Variants in TTN observed in about 807,000 individuals in gnomAD.
The protein encoded by TTN is titin.
TTN carries 1,525 observed loss-of-function variants against 3,223.0 expected under a neutral mutation model. The observed-to-expected ratio is 0.47, with a 90% CI of 0.45 to 0.49. The LOEUF is 0.49. Among genes scored for constraint, TTN ranks in the 20% least tolerant of loss-of-function variants. The pLI is 0.00. For synonymous variants in TTN, 14,094 were observed against 15,161.0 expected (o/e 0.93, Z 5.17); for missense variants, 40,786 against 43,424.0 (o/e 0.94, Z 5.40).
At position 178,770,241 on chromosome 2, in the gene TTN, A is replaced by G; in HGVS notation, c.8460T>C (p.His2820=). The change falls in exon 36 of 363, where the codon CAT becomes CAC. Residue 2820 remains histidine, a synonymous_variant. Transcript: ENST00000589042. ...GGAACCATTTTACTGGAACAGTGTC[A>G]TGGGAAACACTAACTTCAAAGGCAA... ...ATVAFEVSVS[H]DTVPVKWFHK... is the part of the protein sequence containing the mutation. 4 of 1,614,160 alleles carry G rather than the reference A, an allele frequency of 2.5e-6. No individual in the cohort carries two copies. The highest frequency in any genetic ancestry group is 3.4e-6 in the Non-Finnish European group (4 of 1,180,008).
intron 1 of TTN, among the ~76,000 whole-genome samples, chr2:178,804,864 C>A (rs1415135549): frequency 2.0e-5 from 3 of 151,978 alleles, no homozygotes; most frequent in East Asian, 1.9e-4. Context: ...CCCAAAGTAG[C>A]AAGTGTAAGG....
chr2:178,730,821 A>T (rs1467887015), intron 60 of TTN, 29 bp from the exon 61 acceptor site: 1 of 1,543,426 alleles, frequency 6.5e-7, no homozygotes, highest in African/African-American at 1.4e-5. Flanking sequence ...AACAACAACA[A>T]AAAAAGGTCA....
At chr2:178,640,763 CTATTT>C in intron 220 of TTN, 133 bp from the exon 221 acceptor site, 1 of 695,454 alleles carries the variant, frequency 1.4e-6, no homozygotes, top group Non-Finnish European at 2.3e-6. Flanking sequence ...CAAGTAATTT[CTATTT>C]TATTTTCTTG....
Position 178,675,742 on chromosome 2 carries a change from G to A in TTN, c.34466C>T (p.Pro11489Leu), listed in dbSNP as rs1468023279. The A allele has an allele frequency of 2.1e-6, 3 of 1,445,938 alleles. No individual in the cohort carries two copies. Among genetic ancestry groups the A allele is most frequent in the Non-Finnish European group, 2.7e-6 (3 of 1,108,218 alleles). The allele number at this position is 1,445,938 out of a possible 1,614,324, so 89.6% of individuals were successfully genotyped here. A position where few individuals can be genotyped will look rare whatever the true frequency, so the allele number is the denominator to read the frequency against. ...CTTCTTTTCTGGCTCAGGTTTCTTA[G>A]GTACCACAGACACTTTAAAAATATT... ...EAPPAKVSVV[P>L]KKPEPEKKVP... The change falls in exon 149 of 363, where the codon CCT (proline) becomes CTT (leucine). Residue 11489 changes from proline (P) to leucine (L), a missense_variant. Coordinates refer to ENST00000589042, the MANE Select transcript of TTN (RefSeq NM_001267550.2).
At position 178,572,069 on chromosome 2, in the gene TTN, C is replaced by T. The variant is rs376988498; in HGVS notation, c.74063G>A (p.Arg24688His). 2.8e-5 allele frequency: 45 copies of T among 1,613,076 alleles called. No individual in the cohort carries two copies. The East Asian group carries it at 2.9e-4, about 10-fold the overall frequency. ...GLIQGEEYSF[R>H]VSAQNEKGIS... ...GCCCTTTTCATTCTGAGCTGAAACACGGAAAGAGTATTCTTCACCCTGAAT... is the reference window on the plus strand; with the variant it reads ...GCCCTTTTCATTCTGAGCTGAAACATGGAAAGAGTATTCTTCACCCTGAAT... The change falls in exon 326 of 363, where the codon CGT (arginine) becomes CAT (histidine). Residue 24688 changes from arginine (R) to histidine (H), a missense_variant. By Grantham distance (29) the Arg-to-His change is conservative. Coordinates refer to ENST00000589042, the MANE Select transcript of TTN (RefSeq NM_001267550.2).
chr2:178,578,261 T>C, intron 321 of TTN, 76 bp from the exon 322 acceptor site: 1 of 1,270,362 alleles, frequency 7.9e-7, no homozygotes, highest in East Asian at 2.4e-5. Context: ...CCAAATTATT[T>C]ATACATATCC....
In TTN at chr2:178,633,040, C is replaced by T. The variant is rs1462387608; in HGVS notation, c.43091G>A (p.Cys14364Tyr). The T allele has an allele frequency of 6.2e-7, 1 of 1,612,808 alleles. No homozygotes were observed. Among genetic ancestry groups the T allele is most frequent in the Admixed American group, 1.7e-5 (1 of 59,952 alleles). The change falls in exon 234 of 363, where the codon TGT becomes TAT. Residue 14364 changes from cysteine (C) to tyrosine (Y), a missense_variant. Cys to Tyr is a radical substitution (Grantham distance 194). Coordinates refer to ENST00000589042, the MANE Select transcript of TTN (RefSeq NM_001267550.2). ...KGQPLTASPDCEIIEDGKKHI... is the reference protein window; with the variant it reads ...KGQPLTASPDYEIIEDGKKHI... ...CTTCTTTCCATCCTCAATGATTTCA[C>T]AGTCCTGTTTGGAGTGAGGGTTAGA...
rs754097967 is a variant in TTN at position 178,572,305 on chromosome 2, T to C, written c.73827A>G (p.Glu24609=). 4 of 1,611,742 alleles carry C rather than the reference T, an allele frequency of 2.5e-6. No individual in the cohort carries two copies. The highest frequency in any genetic ancestry group is 3.4e-6 in the Non-Finnish European group (4 of 1,178,132). ...YGIGLPAETA[E]SVKASERPLP... Reference sequence around the variant, plus strand: ...GAGGTCGTTCTGATGCTTTCACAGATTCTGCGGTTTCAGCAGGCAGCCCAA... The same window carrying C: ...GAGGTCGTTCTGATGCTTTCACAGACTCTGCGGTTTCAGCAGGCAGCCCAA... The change falls in exon 326 of 363, where the codon GAA becomes GAG. Residue 24609 remains glutamate, a synonymous_variant. Transcript: ENST00000589042.
rs1450515648 is a variant in TTN at position 178,597,558 on chromosome 2, G to T, written c.57524C>A (p.Thr19175Lys). ...AKNEAGERKK[T>K]IIVDVLDVPG... Reference sequence around the variant, plus strand: ...TTTACCTAATACATCAACAATAATTGTCTTCTTTCTTTCTCCGGCTTCATT... The same window carrying T: ...TTTACCTAATACATCAACAATAATTTTCTTCTTTCTTTCTCCGGCTTCATT... The change falls in exon 294 of 363, where the codon ACA becomes AAA. Residue 19175 changes from threonine (T) to lysine (K), a missense_variant. Thr to Lys is a moderately conservative substitution (Grantham distance 78). Transcript: ENST00000589042. The T allele has an allele frequency of 6.2e-7, 1 of 1,612,070 alleles. No homozygotes were observed. The highest frequency in any genetic ancestry group is 1.3e-5 in the African/African-American group (1 of 74,848).
In TTN at chr2:178,636,367, TATAG is replaced by T; in HGVS notation, c.41329+27_41329+30del. 6.4e-7 allele frequency: 1 copy of T among 1,560,988 alleles called. No homozygotes were observed. The highest frequency in any genetic ancestry group is 1.9e-5 in the Admixed American group (1 of 52,058). On this transcript the variant is annotated intron_variant, in intron 225 of 362. Coordinates refer to ENST00000589042, the MANE Select transcript of TTN (RefSeq NM_001267550.2). The surrounding 1 kb of genome is among the most constrained non-coding windows in gnomAD (Gnocchi z 4.3). ...TAAGGTTTGTTACATTAAAGTTTAA[TATAG>T]ATTATGTTCAGAAGACTAGAAATTA...
chr2:178,683,521 A>G (rs972736070), intron 133 of TTN, among the ~76,000 whole-genome samples: 1 of 152,118 alleles, frequency 6.6e-6, no homozygotes, highest in African/African-American at 2.4e-5. Flanking sequence ...AGTATTTATA[A>G]AAGTTTAAAA....
Position 178,534,158 on chromosome 2 carries a change from C to T in TTN, c.102457G>A (p.Val34153Ile), listed in dbSNP as rs1236074112. 2.5e-6 allele frequency: 4 copies of T among 1,613,822 alleles called. No homozygotes were observed. Among genetic ancestry groups the T allele is most frequent in the South Asian group, 2.2e-5 (2 of 91,092 alleles). ...MHAVGEEGGH[V>I]KYVCKIENYD... ...TTTTCAATTTTGCATACATATTTGA[C>T]ATGTCCTCCTTCTTCACCAACTGCA... The change falls in exon 358 of 363, where the codon GTC (valine) becomes ATC (isoleucine). Residue 34153 changes from valine to isoleucine, a missense_variant. By Grantham distance (29) the Val-to-Ile change is conservative. Transcript: ENST00000589042.
At position 178,566,249 on chromosome 2, in the gene TTN, C is replaced by G. The variant is rs201091376; in HGVS notation, c.79883G>C (p.Arg26628Pro). The G allele has an allele frequency of 2.9e-5, 47 of 1,613,558 alleles. No individual in the cohort carries two copies. In the African/African-American group the frequency reaches 5.6e-4, roughly 19 times the overall value. ...CTTATCTGTGAATTCACCTTCCTCT[C>G]GAGACCAAGTGATCTCAGGCGTTGG... ...GRPTPEITWS[R>P]EEGEFTDKVQ... The change falls in exon 326 of 363, where the codon CGA becomes CCA. Residue 26628 changes from arginine (R) to proline (P), a missense_variant. By Grantham distance (103) the Arg-to-Pro change is moderately radical. Transcript: ENST00000589042.
Position 178,610,294 on chromosome 2 carries a change from G to A in TTN, c.51232C>T (p.Pro17078Ser). ...CGCTCCAGGACATAATGAAGAATTGGGGTTCCACCATCAAATTCTGGAGGT... is the reference window on the plus strand; with the variant it reads ...CGCTCCAGGACATAATGAAGAATTGAGGTTCCACCATCAAATTCTGGAGGT... ...WEPPEFDGGT[P>S]ILHYVLERRE... The change falls in exon 271 of 363, where the codon CCA becomes TCA. Residue 17078 changes from proline to serine, a missense_variant. Transcript: ENST00000589042. 1 of 1,612,852 alleles carries A rather than the reference G, an allele frequency of 6.2e-7. No individual in the cohort carries two copies. Among genetic ancestry groups the A allele is most frequent in the South Asian group, 1.1e-5 (1 of 91,038 alleles).
chr2:178,571,307 C>A lies in TTN; in HGVS notation c.74825G>T (p.Gly24942Val). ...PISDGGSRVI[G>V]YHLERKERNS... ...TCTTTCCTTGCGTTCTAGATGATAG[C>A]CAATGACTCTACTTCCTCCATCACT... The change falls in exon 326 of 363, where the codon GGC (glycine) becomes GTC (valine). Residue 24942 changes from glycine (G) to valine (V), a missense_variant. By Grantham distance (109) the Gly-to-Val change is moderately radical (BLOSUM62 -3). Coordinates refer to ENST00000589042, the MANE Select transcript of TTN (RefSeq NM_001267550.2). 6.2e-7 allele frequency: 1 copy of A among 1,613,462 alleles called. No individual in the cohort carries two copies. The highest frequency in any genetic ancestry group is 8.5e-7 in the Non-Finnish European group (1 of 1,179,612).
rs534283310 is a variant in TTN, at chr2:178,612,664, T to C, written c.49949-88A>G. 142 of 1,538,642 alleles carry C rather than the reference T, an allele frequency of 9.2e-5. No individual in the cohort carries two copies. In the African/African-American group the frequency reaches 1.7e-3, roughly 18 times the overall value. On this transcript the variant is annotated intron_variant, in intron 265 of 362. Transcript: ENST00000589042. ...AGTGCAGGCAGTCATTAAGAAGTAA[T>C]GTAGCCAGGAGGAAATAATAGTAAT...
In TTN at chr2:178,642,236, C is replaced by T. The variant is rs368219776; in HGVS notation, c.40558+1G>A. The stretch of plus-strand genomic sequence containing the variant: ...GACAGAATGGTTGAAAAATACTATA[C>T]CGCTTTTCAGAACAACTTCTTCCTT... On this transcript the variant is annotated splice_donor_variant, in intron 219 of 362. Transcript: ENST00000589042. LOFTEE classifies it high-confidence loss of function. The T allele has an allele frequency of 9.4e-5, 149 of 1,579,460 alleles. No homozygotes were observed. The highest frequency in any genetic ancestry group is 1.7e-4 in the Middle Eastern group (1 of 6,036).
At position 178,593,999 on chromosome 2, in the gene TTN, G is replaced by A. The variant is rs571477228; in HGVS notation, c.58394C>T (p.Thr19465Ile). 6.2e-7 allele frequency: 1 copy of A among 1,613,568 alleles called. No homozygotes were observed. The highest frequency in any genetic ancestry group is 8.5e-7 in the Non-Finnish European group (1 of 1,179,654). ...GKYCVVVENS[T>I]GSRKGFCQVN... ...TTGACAGAAACCTTTCCTAGAGCCT[G>A]TACTGTTCTCCACAACCACACAGTA... The change falls in exon 297 of 363, where the codon ACA becomes ATA. Residue 19465 changes from threonine to isoleucine, a missense_variant. Coordinates refer to ENST00000589042, the MANE Select transcript of TTN (RefSeq NM_001267550.2).
intron 220 of TTN, 39 bp from the exon 221 acceptor site, chr2:178,640,669 A>G (rs2061129735): frequency 2.0e-6 from 3 of 1,479,222 alleles, no homozygotes; most frequent in Non-Finnish European, 2.7e-6. Context: ...TAATATTTGA[A>G]TATTTAGGAA....
Sources: allele counts gnomAD v4.1 joint callset (sites outside exome capture counted in the v4.1 genomes callset), GRCh38; gene constraint gnomAD v4.1.1; non-coding constraint Gnocchi (gnomAD v3.1); transcripts MANE v1.5; gene names NCBI Gene and HGNC (gene_info 2026-07-23, HGNC 2026-07-21).